Variants in ANKRD55 observed in about 807,000 individuals in gnomAD.
ANKRD55 encodes the protein ankyrin repeat domain-containing protein 55.
In ANKRD55, 41 loss-of-function variants were observed where a neutral mutation model predicts 60.6. The ratio of observed to expected loss-of-function variants is 0.68; its 90% CI spans 0.53 to 0.88. ANKRD55 has a LOEUF of 0.88. ANKRD55 is among the 40% of genes least tolerant of loss of function. The pLI, the probability that ANKRD55 is intolerant of heterozygous loss-of-function variation, is 0.00. For missense variants in ANKRD55, 732 were observed against 767.6 expected, an observed-to-expected ratio of 0.95 and a Z score of 0.55; for synonymous variants, 264 against 290.3, an observed-to-expected ratio of 0.91 and a Z score of 0.92.
intron 10 of ANKRD55, among the ~76,000 whole-genome samples, chr5:56,104,766 C>T (rs994193249): frequency 2.0e-5 from 3 of 151,766 alleles, no homozygotes; most frequent in East Asian, 1.9e-4. Context: ...GAAAGCAAGG[C>T]GTTCAGGAGG....
chr5:56,138,078 A>G (rs919398777), intron 7 of ANKRD55, among the ~76,000 whole-genome samples: 1 of 151,954 alleles, frequency 6.6e-6, no homozygotes, highest in African/African-American at 2.4e-5. Context: ...GCTGGTGGAA[A>G]TGCAAAATGG....
rs1163842106 is a variant in ANKRD55 at position 56,199,473 on chromosome 5, A to C, written c.59-15839T>G. Among the ~76,000 whole-genome samples the C allele has an allele frequency of 4.6e-5, 7 of 152,140 alleles. No homozygotes were observed. The East Asian group carries it at 1.3e-3, about 29-fold the overall frequency. On this transcript the variant is annotated intron_variant, in intron 2 of 11. Coordinates refer to ENST00000341048, the MANE Select transcript of ANKRD55 (RefSeq NM_024669.3). Reference sequence around the variant, plus strand: ...TCTGGTGACTTGCTTATTTTAAGTGATCACCATTAAGTCAGAAAAATGTAT... The same window carrying C: ...TCTGGTGACTTGCTTATTTTAAGTGCTCACCATTAAGTCAGAAAAATGTAT...
At chr5:56,228,648 C>A (rs1301085689) in intron 2 of ANKRD55, among the ~76,000 whole-genome samples, 8 of 152,112 alleles carry the variant, frequency 5.3e-5, no homozygotes, top group Non-Finnish European at 2.9e-5. Context: ...TGGTCTCAAA[C>A]TGTTGATCCT....
Position 56,135,290 on chromosome 5 carries a change from GCTTGCTTT to G in ANKRD55, c.613-8192_613-8185del, listed in dbSNP as rs1356853335. ...TCCCTCCCTCCCTCCCTGCCTGCCT[GCTTGCTTT>G]CTTTCTTTCTTTCTTTCTTTCTTTC... On this transcript the variant is annotated intron_variant, in intron 7 of 11. Coordinates refer to ENST00000341048, the MANE Select transcript of ANKRD55 (RefSeq NM_024669.3). 2.3e-3 allele frequency among the ~76,000 whole-genome samples: 157 copies of G among 69,318 alleles called. 8 individuals are homozygous for G. Among genetic ancestry groups the G allele is most frequent in the East Asian group, 8.2e-3 (19 of 2,314 alleles). The allele number at this position is 69,318 out of a possible 152,430, so 45.5% of individuals were successfully genotyped here.
chr5:56,135,259 CTT>C lies in ANKRD55; in HGVS notation c.613-8155_613-8154del, dbSNP rs59912631. ...CCTTCCTTCCTTCCTTCCTTCCTTC[CTT>C]CTTTCCCTCCCTCCCTCCCTGCCTG... On this transcript the variant is annotated intron_variant, in intron 7 of 11. Coordinates refer to ENST00000341048, the MANE Select transcript of ANKRD55 (RefSeq NM_024669.3). 2.7e-3 allele frequency among the ~76,000 whole-genome samples: 339 copies of C among 123,646 alleles called. 8 individuals carry two copies. Among genetic ancestry groups the C allele is most frequent in the Non-Finnish European group, 3.9e-3 (233 of 59,316 alleles). The allele number at this position is 123,646 out of a possible 152,430, so 81.1% of individuals were successfully genotyped here. A position where few individuals can be genotyped will look rare whatever the true frequency, so the allele number is the denominator to read the frequency against.
intron 6 of ANKRD55, 90 bp downstream of exon 6, chr5:56,159,743 C>G: frequency 7.6e-7 from 1 of 1,320,666 alleles, no homozygotes; most frequent in Non-Finnish European, 1.1e-6. Flanking sequence ...CTCCCCGTAG[C>G]TTTTAAGAGG....
At chr5:56,190,153 T>C (rs1484863512) in intron 2 of ANKRD55, among the ~76,000 whole-genome samples, 1 of 152,244 alleles carries the variant, frequency 6.6e-6, no homozygotes, top group Non-Finnish European at 1.5e-5. Flanking sequence ...TCAAATCCTT[T>C]GCCCATTTTT....
intron 8 of ANKRD55, among the ~76,000 whole-genome samples, chr5:56,120,092 A>G (rs892746631): frequency 4.7e-5 from 7 of 150,226 alleles, no homozygotes; most frequent in African/African-American, 1.7e-4. Context: ...GCTGGAGTGC[A>G]GTGGTGCAAT....
At chr5:56,161,373 T>G (rs562046736) in intron 5 of ANKRD55, among the ~76,000 whole-genome samples, 1 of 152,208 alleles carries the variant, frequency 6.6e-6, no homozygotes, top group Non-Finnish European at 1.5e-5. Flanking sequence ...AATTCAGAAA[T>G]TGCTTTTGGA....
intron 6 of ANKRD55, among the ~76,000 whole-genome samples, chr5:56,159,425 C>A (rs1299437765): frequency 6.6e-6 from 1 of 151,680 alleles, no homozygotes; most frequent in African/African-American, 2.4e-5. Context: ...GGTGCCACTG[C>A]ACTCCAGCCT....
intron 8 of ANKRD55, among the ~76,000 whole-genome samples, chr5:56,123,552 G>A (rs960456840): frequency 2.0e-5 from 3 of 152,160 alleles, no homozygotes; most frequent in Admixed American, 6.5e-5. Flanking sequence ...GAAACAGGAC[G>A]GGTCCCCAGC....
chr5:56,211,925 A>G (rs1759682780), intron 2 of ANKRD55, among the ~76,000 whole-genome samples: 1 of 152,206 alleles, frequency 6.6e-6, no homozygotes, highest in African/African-American at 2.4e-5. Context: ...GAGGTTGAAC[A>G]AGTTCTTTTA....
intron 7 of ANKRD55, among the ~76,000 whole-genome samples, chr5:56,139,085 CG>C (rs70995775): frequency 2.2e-5 from 2 of 89,740 alleles, no homozygotes; most frequent in South Asian, 3.1e-4. Flanking sequence ...GTCAGTGGGG[CG>C]GGGGGGCAGA....
Position 56,155,419 on chromosome 5 carries a change from A to G in ANKRD55, c.483+4414T>C, listed in dbSNP as rs139789826. 2.0e-5 allele frequency among the ~76,000 whole-genome samples: 3 copies of G among 152,310 alleles called. No homozygotes were observed. The East Asian group carries it at 5.8e-4, about 29-fold the overall frequency. ...TGATTGCTTAACATCAGGTTACTTTAGGTTACTTTTTGTTGTCAGGATTAA... is the reference window on the plus strand; with the variant it reads ...TGATTGCTTAACATCAGGTTACTTTGGGTTACTTTTTGTTGTCAGGATTAA... On this transcript the variant is annotated intron_variant, in intron 6 of 11. Transcript: ENST00000341048.
Position 56,116,749 on chromosome 5 carries a change from C to T in ANKRD55, c.831G>A (p.Lys277=), listed in dbSNP as rs1756899487. Residue 277 remains lysine, a synonymous_variant, in exon 9 of 12, where the codon AAG becomes AAA. Transcript: ENST00000341048. Reference sequence around the variant, plus strand: ...CCAGCAGTGACTGGACACATTCGGCCTTCCCTGCAGCTGCAGCCCAGTGCA... The same window carrying T: ...CCAGCAGTGACTGGACACATTCGGCTTTCCCTGCAGCTGCAGCCCAGTGCA... ...TPLHWAAAAG[K]AECVQSLLEL... 1 of 1,613,318 alleles carries T rather than the reference C, an allele frequency of 6.2e-7. No homozygotes were observed. The highest frequency in any genetic ancestry group is 8.5e-7 in the Non-Finnish European group (1 of 1,179,642).
At chr5:56,147,951 T>C (rs2111768902) in intron 6 of ANKRD55, among the ~76,000 whole-genome samples, 1 of 152,326 alleles carries the variant, frequency 6.6e-6, no homozygotes. Context: ...AAAATTCTGG[T>C]GACCAGTTAA....
chr5:56,224,129 C>T (rs1305281198), intron 2 of ANKRD55, among the ~76,000 whole-genome samples: 2 of 152,176 alleles, frequency 1.3e-5, no homozygotes, highest in East Asian at 3.8e-4. Flanking sequence ...GAAATTATAA[C>T]AAACTGTCTC....
chr5:56,131,158 C>CA (rs140702122), intron 7 of ANKRD55, among the ~76,000 whole-genome samples: 40,729 of 150,128 alleles, frequency 0.27, 5,866 homozygotes, highest in South Asian at 0.38. Context: ...CCAAAAACAA[C>CA]AAAAAAAAAC....
rs1165301240 is a variant in ANKRD55, at chr5:56,176,225, A to G, written c.239T>C (p.Leu80Pro). The change falls in exon 4 of 12, where the codon CTG becomes CCG. Residue 80 changes from leucine to proline, a missense_variant. Coordinates refer to ENST00000341048, the MANE Select transcript of ANKRD55 (RefSeq NM_024669.3). ...SGRQADTVKL[L>P]LKMGANINMQ... ...GTTAATATTGGCTCCCATCTTCAACAGCAGCTTCACTGTGTCCGCTTGACG... is the reference window on the plus strand; with the variant it reads ...GTTAATATTGGCTCCCATCTTCAACGGCAGCTTCACTGTGTCCGCTTGACG... The G allele has an allele frequency of 6.2e-7, 1 of 1,614,128 alleles. No individual in the cohort carries two copies. The highest frequency in any genetic ancestry group is 1.3e-5 in the African/African-American group (1 of 74,938).
Sources: gnomAD v4.1 joint callset for allele counts (sites outside exome capture counted in the v4.1 genomes callset) on GRCh38, gnomAD v4.1.1 for gene constraint, MANE v1.5 for transcripts, NCBI Gene and HGNC (gene_info 2026-07-23, HGNC 2026-07-21) for gene names.